The following ARFIP1 variants were observed in gnomAD, a reference collection of about 807,000 sequenced individuals.
The protein encoded by ARFIP1 is ARF interacting protein 1.
Under a neutral mutation model 42.5 loss-of-function variants are expected in ARFIP1, and 24 were observed. The ratio of observed to expected loss-of-function variants is 0.57; its 90% CI spans 0.41 to 0.80. The LOEUF (loss-of-function observed/expected upper bound fraction) is 0.80, where lower values mean the gene tolerates loss of function less well. Among genes scored for constraint, ARFIP1 ranks in the 30% least tolerant of loss-of-function variants. ARFIP1 has a pLI of 0.00. For synonymous variants in ARFIP1, 141 were observed against 153.7 expected (o/e 0.92, Z 0.61); for missense variants, 354 against 434.0 (o/e 0.82, Z 1.64).
chr4:152,796,275 CT>C, intron 1 of ARFIP1: 1 of 1,018,324 alleles, frequency 9.8e-7, no homozygotes. Context: ...CAAAAGGTGG[CT>C]TTCAGTTCAG....
At chr4:152,885,076 TG>T (rs748210142) in intron 7 of ARFIP1, among the ~76,000 whole-genome samples, 87 of 152,108 alleles carry the variant, frequency 5.7e-4, no homozygotes, top group Admixed American at 2.6e-4. Flanking sequence ...GCTTGGGGTT[TG>T]ACTTTTCTGT....
chr4:152,844,094 T>C (rs1732343516), intron 2 of ARFIP1, among the ~76,000 whole-genome samples: 1 of 152,240 alleles, frequency 6.6e-6, no homozygotes, highest in East Asian at 1.9e-4. Flanking sequence ...AGGGCCTTTC[T>C]GCTGCTTCGT....
At chr4:152,860,429 CT>C (rs368893604) in intron 2 of ARFIP1, among the ~76,000 whole-genome samples, 125 of 152,290 alleles carry the variant, frequency 8.2e-4, no homozygotes, top group East Asian at 5.0e-3. Context: ...GACATTTTCA[CT>C]GATGTCCAAA....
chr4:152,796,657 AT>A, intron 1 of ARFIP1: 1 of 880,118 alleles, frequency 1.1e-6, no homozygotes, highest in South Asian at 1.4e-5. Context: ...GGTCTTTTTT[AT>A]TTGTATTTTC....
Position 152,870,903 on chromosome 4 carries a change from A to G in ARFIP1, c.298+55A>G. 4 of 1,428,248 alleles carry G rather than the reference A, an allele frequency of 2.8e-6. No individual in the cohort carries two copies. The South Asian group carries it at 3.5e-5, about 13-fold the overall frequency. 88.5% of individuals were successfully genotyped at this position (1,428,248 alleles called of 1,614,324 possible). A position where few individuals can be genotyped will look rare whatever the true frequency, so the allele number is the denominator to read the frequency against. ...TTATTGCTACTGCTGAAGCTACACTAATTTACTCAGTTTCATAATCACTTG... is the reference window on the plus strand; with the variant it reads ...TTATTGCTACTGCTGAAGCTACACTGATTTACTCAGTTTCATAATCACTTG... On this transcript the variant is annotated intron_variant, in intron 4 of 8. Coordinates refer to ENST00000353617, the MANE Select transcript of ARFIP1 (RefSeq NM_001025595.3).
intron 7 of ARFIP1, among the ~76,000 whole-genome samples, chr4:152,886,777 A>G (rs887815350): frequency 1.2e-4 from 18 of 151,976 alleles, no homozygotes; most frequent in African/African-American, 4.3e-4. Context: ...TCTACTTTCT[A>G]ACACAGTGCC....
At chr4:152,822,679 A>G (rs111852867) in intron 1 of ARFIP1, among the ~76,000 whole-genome samples, 1 of 152,244 alleles carries the variant, frequency 6.6e-6, no homozygotes. Flanking sequence ...ACAAGTCTCA[A>G]TAATTTTTTA....
At chr4:152,872,679 A>G (rs1734990317) in intron 5 of ARFIP1, 115 bp downstream of exon 5, 4 of 551,632 alleles carry the variant, frequency 7.3e-6, no homozygotes, top group African/African-American at 2.0e-5. Context: ...AATGCCATCT[A>G]AACATGGTAG....
intron 2 of ARFIP1, among the ~76,000 whole-genome samples, 176 bp downstream of exon 2, chr4:152,829,902 T>C (rs1578886210): frequency 6.6e-6 from 1 of 152,262 alleles, no homozygotes; most frequent in South Asian, 2.1e-4. Context: ...TTTGTCAAGA[T>C]TAAGCTCCAG....
At chr4:152,820,126 G>GC (rs796870460) in intron 1 of ARFIP1, among the ~76,000 whole-genome samples, 78 of 151,854 alleles carry the variant, frequency 5.1e-4, no homozygotes, top group Non-Finnish European at 8.7e-4. Context: ...AGCTGTGGTG[G>GC]CCCCCCCACC....
chr4:152,808,304 T>A lies in ARFIP1; in HGVS notation c.-9-21321T>A, dbSNP rs906484459. Among the ~76,000 whole-genome samples, 74 of 132,504 alleles carry A rather than the reference T, an allele frequency of 5.6e-4. 2 individuals are homozygous for A. In the East Asian group the frequency reaches 0.015, roughly 26 times the overall value. 86.9% of individuals were successfully genotyped at this position (132,504 alleles called of 152,430 possible). ...CTCCATTTTTTTTTTTTTTTTTTTT[T>A]TTTTTTTTTTTTTGTAGCAGTAGTT... On this transcript the variant is annotated intron_variant, in intron 1 of 8. Transcript: ENST00000353617.
intron 5 of ARFIP1, among the ~76,000 whole-genome samples, chr4:152,874,528 T>C (rs889282007): frequency 1.3e-5 from 2 of 152,176 alleles, no homozygotes; most frequent in Non-Finnish European, 2.9e-5. Context: ...TCTGCATGAC[T>C]CTCTGTGTTC....
intron 1 of ARFIP1, among the ~76,000 whole-genome samples, chr4:152,825,140 C>A (rs900005166): frequency 1.4e-4 from 22 of 151,734 alleles, no homozygotes; most frequent in African/African-American, 4.8e-4. Context: ...CCATACTGCC[C>A]AAAGAATCAG....
intron 7 of ARFIP1, among the ~76,000 whole-genome samples, chr4:152,886,056 C>T (rs1736234904): frequency 6.6e-6 from 1 of 152,028 alleles, no homozygotes; most frequent in Non-Finnish European, 1.5e-5. Flanking sequence ...ATGGATTTAA[C>T]TAACTAGTTA....
At chr4:152,891,983 C>T (rs1736896856) in intron 8 of ARFIP1, among the ~76,000 whole-genome samples, 1 of 152,118 alleles carries the variant, frequency 6.6e-6, no homozygotes, top group African/African-American at 2.4e-5. Context: ...GCTGGGATTA[C>T]AGGCATGAGC....
chr4:152,865,172 C>G (rs560130714), intron 3 of ARFIP1, among the ~76,000 whole-genome samples: 1 of 151,730 alleles, frequency 6.6e-6, no homozygotes, highest in African/African-American at 2.4e-5. Context: ...TAGTCTCACT[C>G]TGTTGCCCAG....
At chr4:152,825,597 C>G (rs188269716) in intron 1 of ARFIP1, among the ~76,000 whole-genome samples, 249 of 152,204 alleles carry the variant, frequency 1.6e-3, no homozygotes, top group African/African-American at 5.6e-3. Context: ...TGGAAGAAAA[C>G]CTAGCAAAAA....
intron 1 of ARFIP1, among the ~76,000 whole-genome samples, chr4:152,782,056 A>G (rs530774749): frequency 6.6e-6 from 1 of 151,592 alleles, no homozygotes; most frequent in African/African-American, 2.4e-5. Flanking sequence ...TTGTGTGTGT[A>G]TGTGTGTGTG....
At chr4:152,883,144 A>G (rs1385458489) in intron 7 of ARFIP1, 2 of 330,078 alleles carry the variant, frequency 6.1e-6, no homozygotes, top group South Asian at 4.6e-5. Context: ...TGATGCTGCC[A>G]CAGCTACCAT....
Sources: allele counts gnomAD v4.1 joint callset (sites outside exome capture counted in the v4.1 genomes callset), GRCh38; gene constraint gnomAD v4.1.1; transcripts MANE v1.5; gene names NCBI Gene and HGNC (gene_info 2026-07-23, HGNC 2026-07-21).